The following SLC13A3 variants were observed in gnomAD, a reference collection of about 807,000 sequenced individuals.
The protein encoded by SLC13A3 is Na(+)/dicarboxylate cotransporter 3.
In SLC13A3, 40 loss-of-function variants were observed where a neutral mutation model predicts 59.0. The observed-to-expected ratio is 0.68, with a 90% CI of 0.53 to 0.88. SLC13A3 has a LOEUF of 0.88. Ranked by LOEUF, SLC13A3 falls within the 40% of genes least tolerant of loss-of-function variation. SLC13A3 has a pLI of 0.00. For missense variants in SLC13A3, 699 were observed against 783.2 expected (o/e 0.89, Z 1.28); for synonymous variants, 317 against 330.3 (o/e 0.96, Z 0.44).
At chr20:46,639,357 G>A (rs894446762) in intron 1 of SLC13A3, among the ~76,000 whole-genome samples, 1 of 152,182 alleles carries the variant, frequency 6.6e-6, no homozygotes, top group Non-Finnish European at 1.5e-5. Context: ...AGCTACTCGG[G>A]AGGCTGAGGC....
At chr20:46,566,493 C>CTGGGA in intron 10 of SLC13A3, 103 bp from the exon 11 acceptor site, 4 of 1,317,694 alleles carry the variant, frequency 3.0e-6, no homozygotes, top group African/African-American at 1.5e-5. Context: ...TACCCCTTCC[C>CTGGGA]AGATGGGGAG....
chr20:46,574,998 G>T (rs1337083526), intron 10 of SLC13A3, among the ~76,000 whole-genome samples: 1 of 151,828 alleles, frequency 6.6e-6, no homozygotes, highest in Non-Finnish European at 1.5e-5. Flanking sequence ...AAAATTAGCT[G>T]GGCATGGGGA....
At chr20:46,630,142 A>C (rs2062722905) in intron 1 of SLC13A3, among the ~76,000 whole-genome samples, 1 of 152,184 alleles carries the variant, frequency 6.6e-6, no homozygotes, top group African/African-American at 2.4e-5. Flanking sequence ...GGAGCCCCTT[A>C]CTCAATGCGA....
intron 1 of SLC13A3, among the ~76,000 whole-genome samples, chr20:46,628,129 G>A (rs534385213): frequency 5.9e-4 from 90 of 152,276 alleles, no homozygotes; most frequent in Admixed American, 1.2e-3. Context: ...GGCTTCCCTC[G>A]GATCTTCAAG....
intron 1 of SLC13A3, among the ~76,000 whole-genome samples, chr20:46,642,623 G>A (rs1478372808): frequency 6.6e-6 from 1 of 152,050 alleles, no homozygotes; most frequent in Non-Finnish European, 1.5e-5. Flanking sequence ...CATTCCCCAG[G>A]AGCACCCTTC....
At chr20:46,673,617 C>T (rs997801251), upstream of SLC13A3, 2 of 152,414 alleles carry the variant, frequency 1.3e-5, no homozygotes, top group East Asian at 1.9e-4. Flanking sequence ...TCCCCACCCC[C>T]GACCTCCTGA....
intron 12 of SLC13A3, among the ~76,000 whole-genome samples, chr20:46,561,322 C>T (rs1328096660): frequency 1.3e-5 from 2 of 152,168 alleles, no homozygotes; most frequent in African/African-American, 4.8e-5. Context: ...GGGTGCATGT[C>T]GTCAGGACCT....
intron 2 of SLC13A3, among the ~76,000 whole-genome samples, chr20:46,612,179 G>A (rs1479067122): frequency 8.1e-6 from 1 of 123,310 alleles, no homozygotes; most frequent in Non-Finnish European, 1.6e-5. Flanking sequence ...TGAGGTTGGA[G>A]TACAGTGAGT....
Position 46,558,880 on chromosome 20 carries a change from T to A in SLC13A3, c.*1142A>T, listed in dbSNP as rs1032171479. ...CTTCCTGAGGGCCTGAGCTCTTCAC[T>A]GGGATGCCAGAATGCTTCTGCTTGG... On this transcript the variant is annotated 3_prime_UTR_variant, in exon 13 of 13. Coordinates refer to ENST00000279027, the MANE Select transcript of SLC13A3 (RefSeq NM_022829.6). The A allele has an allele frequency of 6.6e-6, 1 of 151,852 alleles. No homozygotes were observed. Among genetic ancestry groups the A allele is most frequent in the Non-Finnish European group, 1.5e-5 (1 of 68,044 alleles). The allele number at this position is 151,852 out of a possible 1,614,324, so 9.4% of individuals were successfully genotyped here.
At chr20:46,669,998 C>T (rs2063082163) in intron 1 of SLC13A3, 1 of 152,134 alleles carries the variant, frequency 6.6e-6, no homozygotes, top group South Asian at 2.1e-4. Context: ...AAAAAAAATA[C>T]ATGCATACTT....
intron 3 of SLC13A3, among the ~76,000 whole-genome samples, chr20:46,604,616 G>A (rs1038220573): frequency 4.6e-5 from 7 of 152,122 alleles, no homozygotes; most frequent in Non-Finnish European, 7.4e-5. Flanking sequence ...GGTACCATGA[G>A]GGAACAGGAT....
At chr20:46,603,575 A>C (rs2062403719) in intron 3 of SLC13A3, among the ~76,000 whole-genome samples, 1 of 151,068 alleles carries the variant, frequency 6.6e-6, no homozygotes, top group Non-Finnish European at 1.5e-5. Flanking sequence ...TTGGTAAAAA[A>C]GAAGGTCTTG....
At chr20:46,620,756 A>T (rs2062605629) in intron 1 of SLC13A3, among the ~76,000 whole-genome samples, 1 of 152,212 alleles carries the variant, frequency 6.6e-6, no homozygotes, top group African/African-American at 2.4e-5. Flanking sequence ...CACCACAGAC[A>T]TCTCAACTGG....
intron 1 of SLC13A3, among the ~76,000 whole-genome samples, chr20:46,683,758 C>T (rs2122958132): frequency 6.6e-6 from 1 of 152,262 alleles, no homozygotes; most frequent in South Asian, 2.1e-4. Context: ...CGGGTGTTAC[C>T]CCCAGACAAG....
chr20:46,613,534 G>A lies in SLC13A3; in HGVS notation c.303C>T (p.Ser101=), dbSNP rs755807458. The A allele has an allele frequency of 1.8e-5, 29 of 1,613,734 alleles. No individual in the cohort carries two copies. The highest frequency in any genetic ancestry group is 5.3e-5 in the African/African-American group (4 of 74,896). ...GGTGCAGGTTCCACTCCTCAATGGCGCTGGCCATGATCAGCCCACTGAGGA... is the reference window on the plus strand; with the variant it reads ...GGTGCAGGTTCCACTCCTCAATGGCACTGGCCATGATCAGCCCACTGAGGA... The part of the protein sequence containing the change: ...FLFLSGLIMA[S]AIEEWNLHRR... Residue 101 remains serine (S), a synonymous_variant, in exon 2 of 13, where the codon AGC becomes AGT. Transcript: ENST00000279027.
chr20:46,667,928 G>A (rs2063070286), intron 1 of SLC13A3, among the ~76,000 whole-genome samples: 2 of 152,162 alleles, frequency 1.3e-5, no homozygotes, highest in African/African-American at 4.8e-5. Context: ...TGTGATCAGT[G>A]ATCTTTGAAG....
At chr20:46,584,000 C>T (rs1034425987) in intron 8 of SLC13A3, 120 of 985,196 alleles carry the variant, frequency 1.2e-4, no homozygotes, top group Non-Finnish European at 1.4e-4. Flanking sequence ...TATAAATCAC[C>T]CTCACCGGGA....
chr20:46,602,574 T>C lies in SLC13A3; in HGVS notation c.542-2537A>G, dbSNP rs138141725. On this transcript the variant is annotated intron_variant, in intron 3 of 12. Transcript: ENST00000279027. The stretch of plus-strand genomic sequence containing the variant: ...CCATCACTTACAATGTGACTTTAGG[T>C]CAGTAGTTCCCAGCGAGGGCCAATT... 3.4e-3 allele frequency among the ~76,000 whole-genome samples: 517 copies of C among 152,116 alleles called. 2 individuals carry two copies. Among genetic ancestry groups the C allele is most frequent in the Non-Finnish European group, 5.4e-3 (365 of 68,008 alleles).
intron 7 of SLC13A3, 69 bp downstream of exon 7, chr20:46,589,091 A>T: frequency 7.1e-7 from 1 of 1,405,056 alleles, no homozygotes; most frequent in African/African-American, 1.4e-5. Flanking sequence ...GCCCAAGGCC[A>T]GGCCAGGAGG....
Sources: allele counts gnomAD v4.1 joint callset (sites outside exome capture counted in the v4.1 genomes callset), GRCh38; gene constraint gnomAD v4.1.1; transcripts MANE v1.5; gene names NCBI Gene and HGNC (gene_info 2026-07-23, HGNC 2026-07-21).